GPR149: variants seen among roughly 807,000 people sequenced by gnomAD.
GPR149 encodes the protein probable G protein-coupled receptor 149.
GPR149 carries 50 observed loss-of-function variants against 50.2 expected under a neutral mutation model. The ratio of observed to expected loss-of-function variants is 1.00; its 90% CI spans 0.79 to 1.26. The LOEUF (loss-of-function observed/expected upper bound fraction) is 1.26. Among genes scored for constraint, GPR149 ranks in the 50% most tolerant of loss-of-function variants. The pLI is 0.00. For missense variants in GPR149, 983 were observed against 895.4 expected (o/e 1.10, Z -1.25); for synonymous variants, 405 against 358.2 (o/e 1.13, Z -1.48).
At chr3:154,374,302 G>A (rs1033088703) in intron 3 of GPR149, among the ~76,000 whole-genome samples, 1 of 151,276 alleles carries the variant, frequency 6.6e-6, no homozygotes, top group African/African-American at 2.4e-5. Flanking sequence ...AGCCTTCTGA[G>A]TAGCCGAGAT....
intron 3 of GPR149, among the ~76,000 whole-genome samples, chr3:154,365,574 A>G (rs1438184143): frequency 6.6e-6 from 1 of 152,030 alleles, no homozygotes; most frequent in Non-Finnish European, 1.5e-5. Flanking sequence ...AATCTCGAGC[A>G]TTTTTTCTCT....
At chr3:154,428,378 C>T (rs1340253707) in intron 1 of GPR149, among the ~76,000 whole-genome samples, 1 of 152,198 alleles carries the variant, frequency 6.6e-6, no homozygotes, top group South Asian at 2.1e-4. Flanking sequence ...AAAACTAAGT[C>T]GCTCGCGACG....
chr3:154,392,956 G>T (rs1715202871), intron 3 of GPR149, among the ~76,000 whole-genome samples: 1 of 151,828 alleles, frequency 6.6e-6, no homozygotes, highest in Non-Finnish European at 1.5e-5. Context: ...TCCTACCAAA[G>T]AAAAGCCTAG....
intron 3 of GPR149, among the ~76,000 whole-genome samples, chr3:154,357,455 G>C (rs1163600357): frequency 6.6e-6 from 1 of 151,958 alleles, no homozygotes; most frequent in Admixed American, 6.6e-5. Flanking sequence ...CTAATATCCA[G>C]AATCTACAAT....
At chr3:154,368,301 C>A (rs1714589034) in intron 3 of GPR149, among the ~76,000 whole-genome samples, 2 of 152,312 alleles carry the variant, frequency 1.3e-5, no homozygotes, top group South Asian at 4.1e-4. Flanking sequence ...GATCAAGATT[C>A]CCTATTTAGA....
At chr3:154,375,548 AATT>A (rs1714772612) in intron 3 of GPR149, among the ~76,000 whole-genome samples, 1 of 152,210 alleles carries the variant, frequency 6.6e-6, no homozygotes, top group African/African-American at 2.4e-5. Flanking sequence ...TCATGAATAA[AATT>A]ATGTTTTCTC....
chr3:154,429,532 C>A lies in GPR149; in HGVS notation c.84G>T (p.Pro28=), dbSNP rs373584683. 2.3e-5 allele frequency: 37 copies of A among 1,613,948 alleles called. No homozygotes were observed. In the African/African-American group the frequency reaches 3.2e-4, roughly 14 times the overall value. The change falls in exon 1 of 4, where the codon CCG becomes CCT. Residue 28 remains proline, a synonymous_variant. Coordinates refer to ENST00000389740, the MANE Select transcript of GPR149 (RefSeq NM_001038705.3). ...AAAGATAGATATTCAGGGTTCCTGG[C>A]GGATTTAAAAGGTCCGTAGAATTAT... ...ENHNSTDLLN[P]PGTLNIYLFC... is the part of the protein sequence containing the mutation.
intron 3 of GPR149, among the ~76,000 whole-genome samples, chr3:154,399,984 T>A (rs1452218935): frequency 6.6e-6 from 1 of 151,826 alleles, no homozygotes; most frequent in African/African-American, 2.4e-5. Context: ...TATTTGAAAT[T>A]ATTATTATTA....
At chr3:154,388,667 CATTA>C (rs1715100087) in intron 3 of GPR149, among the ~76,000 whole-genome samples, 1 of 152,072 alleles carries the variant, frequency 6.6e-6, no homozygotes, top group African/African-American at 2.4e-5. Context: ...GGCTATAATC[CATTA>C]CTCAGCGTTC....
chr3:154,415,434 A>G (rs1711959316), intron 3 of GPR149, among the ~76,000 whole-genome samples: 1 of 151,964 alleles, frequency 6.6e-6, no homozygotes, highest in African/African-American at 2.4e-5. Flanking sequence ...TTCAACTTCC[A>G]AGATTTTATA....
At chr3:154,359,226 G>A (rs1253270744) in intron 3 of GPR149, among the ~76,000 whole-genome samples, 2 of 152,030 alleles carry the variant, frequency 1.3e-5, no homozygotes, top group Non-Finnish European at 2.9e-5. Flanking sequence ...CATAACATAT[G>A]GCATTATACT....
rs1714132357 is a variant in GPR149, at chr3:154,353,340, C to T, written c.1624-15069G>A. 2.3e-5 allele frequency: 33 copies of T among 1,427,950 alleles called. 1 individual carries two copies. In the South Asian group the frequency reaches 3.7e-4, roughly 16 times the overall value. The allele number at this position is 1,427,950 out of a possible 1,614,324, so 88.5% of individuals were successfully genotyped here. ...GTATTTATTTGCAACTTTGTATACC[C>T]ACTGTGGGCAAGTTGCAGAAAAAAG... On this transcript the variant is annotated intron_variant, in intron 3 of 3. Transcript: ENST00000389740.
At chr3:154,420,659 C>G (rs1208629856) in intron 3 of GPR149, among the ~76,000 whole-genome samples, 2 of 151,836 alleles carry the variant, frequency 1.3e-5, no homozygotes, top group African/African-American at 4.8e-5. Context: ...TAAAACTTCC[C>G]TTGGAGACTT....
At chr3:154,424,361 T>A (rs1386787480) in intron 2 of GPR149, among the ~76,000 whole-genome samples, 1 of 151,856 alleles carries the variant, frequency 6.6e-6, no homozygotes, top group Admixed American at 6.6e-5. Flanking sequence ...CCTGTAGGAA[T>A]CATGCTTGGT....
chr3:154,364,502 T>G (rs73872831), intron 3 of GPR149, among the ~76,000 whole-genome samples: 1,723 of 152,250 alleles, frequency 0.011, 31 homozygotes, highest in African/African-American at 0.04. Context: ...CTCAGGCAAA[T>G]TACTCTCTAG....
At chr3:154,411,719 C>T (rs1459730115) in intron 3 of GPR149, among the ~76,000 whole-genome samples, 2 of 151,798 alleles carry the variant, frequency 1.3e-5, no homozygotes, top group Non-Finnish European at 2.9e-5. Context: ...AATTTGCCAA[C>T]CAAAAAAAGT....
chr3:154,411,473 G>T (rs189117935), intron 3 of GPR149, among the ~76,000 whole-genome samples: 2 of 152,180 alleles, frequency 1.3e-5, no homozygotes, highest in East Asian at 1.9e-4. Flanking sequence ...AAGAAAAGAA[G>T]AGAGAAGATC....
intron 3 of GPR149, among the ~76,000 whole-genome samples, chr3:154,369,522 A>G (rs571315118): frequency 4.6e-4 from 70 of 151,980 alleles, no homozygotes; most frequent in African/African-American, 1.6e-3. Context: ...CTCCTCCCCA[A>G]CTGACTCTCC....
chr3:154,352,002 T>C (rs9871428), intron 3 of GPR149: 1 of 281,774 alleles, frequency 3.5e-6, no homozygotes. Flanking sequence ...AAACACTTTT[T>C]AAAAAAAATA....
Sources: allele counts gnomAD v4.1 joint callset (sites outside exome capture counted in the v4.1 genomes callset), GRCh38; gene constraint gnomAD v4.1.1; transcripts MANE v1.5; gene names NCBI Gene and HGNC (gene_info 2026-07-23, HGNC 2026-07-21).